SZT2: variants seen among roughly 807,000 people sequenced by gnomAD.
SZT2 encodes KICSTOR complex protein SZT2.
A neutral mutation model predicts 404.2 loss-of-function variants in SZT2; 216 were observed. That is an observed-to-expected ratio of 0.53 (90% CI 0.48 to 0.60). The LOEUF (loss-of-function observed/expected upper bound fraction) is 0.60. Among genes scored for constraint, SZT2 ranks in the 20% least tolerant of loss-of-function variants. The probability of loss-of-function intolerance (pLI) is 0.00; values close to 1 mark genes in which losing one functional copy is unlikely to be tolerated. For missense variants in SZT2, 3,857 were observed against 4,459.2 expected (o/e 0.86, Z 3.85); for synonymous variants, 1,693 against 1,749.9 (o/e 0.97, Z 0.81).
rs771793753 is a variant in SZT2, at chr1:43,428,008, A to G, written c.3809A>G (p.Gln1270Arg). 1.5e-5 allele frequency: 24 copies of G among 1,613,674 alleles called. No individual in the cohort carries two copies. The highest frequency in any genetic ancestry group is 1.6e-4 in the Middle Eastern group (1 of 6,084). Residue 1270 changes from glutamine to arginine, a missense_variant, in exon 27 of 72, where the codon CAG becomes CGG. Gln to Arg is a conservative substitution (Grantham distance 43). Around this residue, in one of 7 missense-constraint regions of SZT2, gnomAD observed 1,725 missense variants for 1,881.0 expected, o/e 0.92. Coordinates refer to ENST00000634258, the MANE Select transcript of SZT2 (RefSeq NM_001365999.1). Reference sequence around the variant, plus strand: ...ATTTTCCCTTCGTTTCCTAGGACTCAGTTCCTCGACCACCCCTCCCCATCC... The same window carrying G: ...ATTTTCCCTTCGTTTCCTAGGACTCGGTTCCTCGACCACCCCTCCCCATCC... ...QAPRDLIFRT[Q>R]FLDHPSPSSA...
chr1:43,443,338 C>T lies in SZT2; in HGVS notation c.8500-14C>T. 6.2e-7 allele frequency: 1 copy of T among 1,614,192 alleles called. No homozygotes were observed. The highest frequency in any genetic ancestry group is 8.5e-7 in the Non-Finnish European group (1 of 1,180,024). On this transcript the variant is annotated splice_polypyrimidine_tract_variant and intron_variant, in intron 60 of 71. Coordinates refer to ENST00000634258, the MANE Select transcript of SZT2 (RefSeq NM_001365999.1). ...CCCCGTCACTGCTCCATGCTCACTG[C>T]CCTGTTTCCCCAGGCTGGAGAGCTG...
chr1:43,428,032 C>T lies in SZT2; in HGVS notation c.3833C>T (p.Ser1278Phe), dbSNP rs755346632. Residue 1278 changes from serine to phenylalanine, a missense_variant, in exon 27 of 72, where the codon TCC (serine) becomes TTC (phenylalanine). This residue lies in a region of SZT2 where 1,725 missense variants were observed against 1,881.0 expected (regional missense o/e 0.92). Transcript: ENST00000634258. ...RTQFLDHPSP[S>F]SAWMEPRYKE... ...CAGTTCCTCGACCACCCCTCCCCAT[C>T]CTCAGCCTGGATGGAACCCCGGTAC... 35 of 1,614,094 alleles carry T rather than the reference C, an allele frequency of 2.2e-5. No individual in the cohort carries two copies. In the South Asian group the frequency reaches 3.5e-4, roughly 16 times the overall value.
In SZT2 at chr1:43,426,005, G is replaced by C. The variant is rs1017266043; in HGVS notation, c.2930-33G>C. On this transcript the variant is annotated intron_variant, in intron 20 of 71. Coordinates refer to ENST00000634258, the MANE Select transcript of SZT2 (RefSeq NM_001365999.1). This position sits in a 1 kb window ranked among gnomAD's most constrained non-coding sequence, Gnocchi z 4.9. ...CAGGGGAGTGGGTAGGGTAATCTGC[G>C]TCTCACTGTGTCCTGTCCTTCCTCC... is the stretch of plus-strand genomic sequence containing the variant. 5.6e-6 allele frequency: 9 copies of C among 1,612,938 alleles called. No homozygotes were observed. Among genetic ancestry groups the C allele is most frequent in the Non-Finnish European group, 7.6e-6 (9 of 1,178,956 alleles).
chr1:43,453,537 C>T lies in SZT2; in HGVS notation c.*3057C>T, dbSNP rs1004344032. On this transcript the variant is annotated 3_prime_UTR_variant, in exon 72 of 72. Transcript: ENST00000634258. ...GGCCTCAGCCCCCGGCTCGGACACT[C>T]CCCTGCCCGCGCCCCGGCACCCCCC... 8 of 1,523,890 alleles carry T rather than the reference C, an allele frequency of 5.2e-6. No homozygotes were observed. In the African/African-American group the frequency reaches 9.7e-5, roughly 18 times the overall value. 94.4% of individuals were successfully genotyped at this position (1,523,890 alleles called of 1,614,324 possible).
chr1:43,439,335 C>T lies in SZT2; in HGVS notation c.6793-23C>T, dbSNP rs779825107. On this transcript the variant is annotated intron_variant, in intron 48 of 71. Coordinates refer to ENST00000634258, the MANE Select transcript of SZT2 (RefSeq NM_001365999.1). This position sits in a 1 kb window ranked among gnomAD's most constrained non-coding sequence, Gnocchi z 4.2. ...TTTGTCCATTTGCTTGCTCTTAGTG[C>T]TCTGTGGCTGTTCTTTCCCCAGCAT... The T allele has an allele frequency of 1.2e-6, 2 of 1,613,256 alleles. No individual in the cohort carries two copies. Among genetic ancestry groups the T allele is most frequent in the South Asian group, 1.1e-5 (1 of 91,004 alleles).
intron 42 of SZT2, 38 bp downstream of exon 42, chr1:43,435,367 G>A: frequency 6.2e-7 from 1 of 1,609,814 alleles, no homozygotes; most frequent in Non-Finnish European, 8.5e-7. Flanking sequence ...ACAAGGCAGT[G>A]CTGCCGCCCT....
Position 43,419,959 on chromosome 1 carries a change from G to A in SZT2, c.1090+15G>A, listed in dbSNP as rs745538821. On this transcript the variant is annotated intron_variant, in intron 8 of 71. Transcript: ENST00000634258. Reference sequence around the variant, plus strand: ...ATATTACTGCGGTGAGAGGCACACTGAGGTGGGTGTGGGAAGGAGGGAATA... The same window carrying A: ...ATATTACTGCGGTGAGAGGCACACTAAGGTGGGTGTGGGAAGGAGGGAATA... The A allele has an allele frequency of 1.9e-6, 3 of 1,598,042 alleles. No homozygotes were observed. Among genetic ancestry groups the A allele is most frequent in the Non-Finnish European group, 2.5e-6 (3 of 1,179,468 alleles).
At chr1:43,418,361 A>C (rs1201379770) in intron 7 of SZT2, among the ~76,000 whole-genome samples, 1 of 152,228 alleles carries the variant, frequency 6.6e-6, no homozygotes, top group Non-Finnish European at 1.5e-5. Context: ...CCCTAAATTG[A>C]CAGGAGGGCA....
rs1654230010 is a variant in SZT2, at chr1:43,434,280, C to T, written c.5805-106C>T. ...CTTGGCCCCACCTCCATGACTTTCT[C>T]TCCCCCTCGTGATACGTATAACTGC... is the stretch of plus-strand genomic sequence containing the variant. On this transcript the variant is annotated intron_variant, in intron 40 of 71. Coordinates refer to ENST00000634258, the MANE Select transcript of SZT2 (RefSeq NM_001365999.1). The T allele has an allele frequency of 3.1e-6, 3 of 977,966 alleles. No individual in the cohort carries two copies. In the Admixed American group the frequency reaches 8.1e-5, roughly 26 times the overall value. The allele number at this position is 977,966 out of a possible 1,614,324, so 60.6% of individuals were successfully genotyped here. A position where few individuals can be genotyped will look rare whatever the true frequency, so the allele number is the denominator to read the frequency against.
chr1:43,403,432 A>T (rs1649923285), intron 2 of SZT2, 130 bp downstream of exon 2: 3 of 1,427,382 alleles, frequency 2.1e-6, no homozygotes, highest in African/African-American at 1.4e-5. Context: ...TGCCTACAAG[A>T]TGATGGAAAT....
Position 43,453,628 on chromosome 1 carries a change from C to G in SZT2, c.*3148C>G. 1 of 1,495,878 alleles carries G rather than the reference C, an allele frequency of 6.7e-7. No homozygotes were observed. The highest frequency in any genetic ancestry group is 8.9e-7 in the Non-Finnish European group (1 of 1,128,606). The allele number at this position is 1,495,878 out of a possible 1,614,324, so 92.7% of individuals were successfully genotyped here. On this transcript the variant is annotated 3_prime_UTR_variant, in exon 72 of 72. Coordinates refer to ENST00000634258, the MANE Select transcript of SZT2 (RefSeq NM_001365999.1). ...GTGTTGATCAGTACAAGCCGCAGCC[C>G]CGCTTCTCGCGCGGCGCGCGCCAGC...
chr1:43,418,738 A>G (rs1345466994), intron 7 of SZT2, among the ~76,000 whole-genome samples: 1 of 152,186 alleles, frequency 6.6e-6, no homozygotes, highest in African/African-American at 2.4e-5. Flanking sequence ...AGTTGTCTGA[A>G]TGTAGGGTCC....
rs764428800 is a variant in SZT2 at position 43,432,975 on chromosome 1, T to C, written c.5603-14T>C. On this transcript the variant is annotated splice_polypyrimidine_tract_variant and intron_variant, in intron 39 of 71. Coordinates refer to ENST00000634258, the MANE Select transcript of SZT2 (RefSeq NM_001365999.1). ...AGCTTCGGATGGGATTGACCTTCAA[T>C]GCATCTGACACAGGTTATGATGGTG... 3 of 1,613,666 alleles carry C rather than the reference T, an allele frequency of 1.9e-6. No homozygotes were observed. The highest frequency in any genetic ancestry group is 2.7e-5 in the African/African-American group (2 of 74,912).
chr1:43,441,970 G>A lies in SZT2; in HGVS notation c.7743-30G>A. 1 of 1,600,550 alleles carries A rather than the reference G, an allele frequency of 6.2e-7. No individual in the cohort carries two copies. Among genetic ancestry groups the A allele is most frequent in the Non-Finnish European group, 8.5e-7 (1 of 1,171,364 alleles). On this transcript the variant is annotated intron_variant, in intron 55 of 71. Coordinates refer to ENST00000634258, the MANE Select transcript of SZT2 (RefSeq NM_001365999.1). This position sits in a 1 kb window ranked among gnomAD's most constrained non-coding sequence, Gnocchi z 4.8. ...TAGGCCAGGGAGTGGTGTCATGGAT[G>A]GCCTTTCTGTCTGTCCTCCCTTTCA...
Position 43,437,777 on chromosome 1 carries a change from A to G in SZT2, c.6397-14A>G. 6.2e-7 allele frequency: 1 copy of G among 1,614,030 alleles called. No individual in the cohort carries two copies. Among genetic ancestry groups the G allele is most frequent in the Non-Finnish European group, 8.5e-7 (1 of 1,180,002 alleles). ...TCTCTGGAACCGGGGCCCTGACCAC[A>G]GTTTTCCCTGTAGGGTCCTCGTTCT... On this transcript the variant is annotated splice_polypyrimidine_tract_variant and intron_variant, in intron 45 of 71. Transcript: ENST00000634258. The surrounding 1 kb of genome is among the most constrained non-coding windows in gnomAD (Gnocchi z 5.3).
In SZT2 at chr1:43,445,947, T is replaced by C; in HGVS notation, c.8879T>C (p.Phe2960Ser). Residue 2960 changes from phenylalanine to serine, a missense_variant, in exon 63 of 72, where the codon TTC becomes TCC. Physicochemically the swap from Phe to Ser is radical, Grantham distance 155 (BLOSUM62 -2). Coordinates refer to ENST00000634258, the MANE Select transcript of SZT2 (RefSeq NM_001365999.1). ...CTTGGAACAGAGGGTCGAGGCTCCT[T>C]CTCCTGCCCTAAAACCAAGACTGAT... Reference protein sequence around the residue: ...AILGTEGRGSFSCPKTKTDGS... With the variant: ...AILGTEGRGSSSCPKTKTDGS... The C allele has an allele frequency of 1.4e-5, 22 of 1,614,148 alleles. No homozygotes were observed. The highest frequency in any genetic ancestry group is 1.9e-5 in the Non-Finnish European group (22 of 1,179,992).
Position 43,448,737 on chromosome 1 carries a change from C to T in SZT2, c.10086+9C>T. On this transcript the variant is annotated intron_variant, in intron 70 of 71. Transcript: ENST00000634258. This position sits in a 1 kb window ranked among gnomAD's most constrained non-coding sequence, Gnocchi z 4.2. ...TGGGAACTCAGTACCTGGTAAGTCC[C>T]CTTGAGCTTCCTCTGAAAAGGGAAA... 6.2e-7 allele frequency: 1 copy of T among 1,610,318 alleles called. No homozygotes were observed. The highest frequency in any genetic ancestry group is 8.5e-7 in the Non-Finnish European group (1 of 1,176,576).
rs1655035078 is a variant in SZT2, at chr1:43,441,318, T to C, written c.7449T>C (p.Ser2483=). 1.2e-6 allele frequency: 2 copies of C among 1,612,994 alleles called. No individual in the cohort carries two copies. The highest frequency in any genetic ancestry group is 2.2e-5 in the South Asian group (2 of 90,946). The change falls in exon 53 of 72, where the codon AGT becomes AGC. Residue 2483 remains serine, a synonymous_variant. Transcript: ENST00000634258. This position sits in a 1 kb window ranked among gnomAD's most constrained non-coding sequence, Gnocchi z 4.8. The part of the protein sequence containing the change: ...TRGRRRHKTE[S]VRTPGGAERA... ...GCCGGAGGCGTCACAAAACCGAGAGTGTTCGGACTCCTGGTGGAGCTGAGC... is the reference window on the plus strand; with the variant it reads ...GCCGGAGGCGTCACAAAACCGAGAGCGTTCGGACTCCTGGTGGAGCTGAGC...
Position 43,451,391 on chromosome 1 carries a change from C to G in SZT2, c.*911C>G. 2 of 1,611,974 alleles carry G rather than the reference C, an allele frequency of 1.2e-6. No individual in the cohort carries two copies. Among genetic ancestry groups the G allele is most frequent in the South Asian group, 2.2e-5 (2 of 91,090 alleles). ...GTCCGGGTCCCTCCAGAGCTCCCTT[C>G]CCCAGGGCCACGCCTCACCTCGAGG... On this transcript the variant is annotated 3_prime_UTR_variant, in exon 72 of 72. Transcript: ENST00000634258.
Sources: allele counts gnomAD v4.1 joint callset (sites outside exome capture counted in the v4.1 genomes callset), GRCh38; gene constraint gnomAD v4.1.1; regional missense constraint gnomAD v4.1.1; non-coding constraint Gnocchi (gnomAD v3.1); transcripts MANE v1.5; gene names NCBI Gene and HGNC (gene_info 2026-07-23, HGNC 2026-07-21).